The following VPS8 variants were observed in gnomAD, a reference collection of about 807,000 sequenced individuals.
VPS8 encodes the protein vacuolar protein sorting-associated protein 8 homolog.
In VPS8, 129 loss-of-function variants were observed where a neutral mutation model predicts 216.4. That is an observed-to-expected ratio of 0.60 (90% confidence interval 0.52 to 0.69). The LOEUF is 0.69. VPS8 is among the 30% of genes least tolerant of loss of function. The probability of loss-of-function intolerance (pLI) is 0.00; values close to 1 mark genes in which losing one functional copy is unlikely to be tolerated. For missense variants in VPS8, 1,531 were observed against 1,683.5 expected, an observed-to-expected ratio of 0.91 and a Z score of 1.59; for synonymous variants, 571 against 565.4, an observed-to-expected ratio of 1.01 and a Z score of -0.14.
chr3:184,840,852 A>G (rs945860987), intron 7 of VPS8, among the ~76,000 whole-genome samples: 1 of 152,182 alleles, frequency 6.6e-6, no homozygotes, highest in Non-Finnish European at 1.5e-5. Context: ...AGGAATCTAC[A>G]GACTTCTATA....
chr3:184,928,372 A>T, intron 31 of VPS8, 79 bp from the exon 32 acceptor site: 1 of 1,295,450 alleles, frequency 7.7e-7, no homozygotes, highest in Non-Finnish European at 1.0e-6. Flanking sequence ...ATTAAATGTT[A>T]TAGTCTGCAT....
Position 184,868,957 on chromosome 3 carries a change from T to A in VPS8, c.1518T>A (p.His506Gln). ...MLRSWRERVD[H>Q]LLKQDCLTEA... ...TTTTTCCGTTTTAGAGAGTGGATCA[T>A]CTCCTGAAACAAGATTGTCTTACAG... The change falls in exon 19 of 48, where the codon CAT becomes CAA. Residue 506 changes from histidine to glutamine, a missense_variant. Physicochemically the swap from His to Gln is conservative, Grantham distance 24. Transcript: ENST00000625842. The A allele has an allele frequency of 6.2e-7, 1 of 1,608,500 alleles. No homozygotes were observed. Among genetic ancestry groups the A allele is most frequent in the Non-Finnish European group, 8.5e-7 (1 of 1,177,550 alleles).
At chr3:184,961,139 A>G (rs541493621) in intron 37 of VPS8, among the ~76,000 whole-genome samples, 93 of 152,354 alleles carry the variant, frequency 6.1e-4, no homozygotes, top group Admixed American at 1.4e-3. Flanking sequence ...TTAATAGACT[A>G]AATAGCAGTT....
chr3:184,894,810 G>T lies in VPS8; in HGVS notation c.1889G>T (p.Gly630Val). 6.2e-7 allele frequency: 1 copy of T among 1,610,582 alleles called. No individual in the cohort carries two copies. The highest frequency in any genetic ancestry group is 1.1e-5 in the South Asian group (1 of 90,424). ...TATATTTTAAGTGATAAATTGGTGG[G>T]AATCACACCCCAAGTAATGAAAGAC... ...EPYILSDKLV[G>V]ITPQVMKDLI... is the part of the protein sequence containing the mutation. The change falls in exon 23 of 48, where the codon GGA becomes GTA. Residue 630 changes from glycine (G) to valine (V), a missense_variant. Gly to Val is a moderately radical substitution (Grantham distance 109). Transcript: ENST00000625842.
chr3:184,954,541 G>T (rs1367308504), intron 36 of VPS8, among the ~76,000 whole-genome samples: 1 of 152,138 alleles, frequency 6.6e-6, no homozygotes, highest in Admixed American at 6.5e-5. Flanking sequence ...GAAAGCTTAA[G>T]GATTTTAGGA....
chr3:185,006,228 G>T (rs1487528548), intron 45 of VPS8, among the ~76,000 whole-genome samples: 1 of 152,062 alleles, frequency 6.6e-6, no homozygotes, highest in Non-Finnish European at 1.5e-5. Context: ...AGATCTAGTG[G>T]GTTAGGTAAT....
At chr3:184,933,527 T>TTGTG (rs35601004) in intron 34 of VPS8, among the ~76,000 whole-genome samples, 2,088 of 150,154 alleles carry the variant, frequency 0.014, 29 homozygotes, top group African/African-American at 0.036. Flanking sequence ...CTTTCGATCT[T>TTGTG]TGTGTGTGTG....
chr3:184,818,931 C>T (rs956294083), intron 1 of VPS8, among the ~76,000 whole-genome samples: 10 of 151,870 alleles, frequency 6.6e-5, no homozygotes, highest in East Asian at 1.9e-4. Flanking sequence ...ACTTGGGAGA[C>T]GTGAAGTAGG....
intron 46 of VPS8, among the ~76,000 whole-genome samples, chr3:185,041,306 A>G (rs552160119): frequency 6.6e-6 from 1 of 152,214 alleles, no homozygotes; most frequent in Admixed American, 6.5e-5. Flanking sequence ...ACTGAGAGCT[A>G]ATGGCTGTGG....
chr3:184,894,020 C>T (rs1301628706), intron 22 of VPS8, among the ~76,000 whole-genome samples: 1 of 152,108 alleles, frequency 6.6e-6, no homozygotes, highest in African/African-American at 2.4e-5. Flanking sequence ...ATGAAATAAA[C>T]ATTGTCGAGG....
At chr3:184,828,485 T>C (rs2108525454) in intron 3 of VPS8, among the ~76,000 whole-genome samples, 1 of 152,244 alleles carries the variant, frequency 6.6e-6, no homozygotes, top group African/African-American at 2.4e-5. Context: ...ACATCCTAGA[T>C]CTCAGAATTT....
At chr3:184,829,373 G>A (rs767528063) in intron 3 of VPS8, among the ~76,000 whole-genome samples, 29 of 151,964 alleles carry the variant, frequency 1.9e-4, no homozygotes, top group Non-Finnish European at 3.1e-4. Flanking sequence ...ACCACCATAC[G>A]TGGCAAAGTT....
rs1166541772 is a variant in VPS8 at position 184,869,032 on chromosome 3, A to G, written c.1593A>G (p.Val531=). The part of the protein sequence containing the change: ...WSFHEGKAKA[V]VGLSGDASKR... ...TCCATGAAGGAAAAGCAAAAGCAGT[A>G]GTGGGTGAGTAGGCAGAATTCCAGT... Residue 531 remains valine, a synonymous_variant, in exon 19 of 48, where the codon GTA becomes GTG. Coordinates refer to ENST00000625842, the MANE Select transcript of VPS8 (RefSeq NM_001009921.3). 1 of 1,603,954 alleles carries G rather than the reference A, an allele frequency of 6.2e-7. No homozygotes were observed. The highest frequency in any genetic ancestry group is 2.2e-5 in the East Asian group (1 of 44,582).
At position 185,039,818 on chromosome 3, in the gene VPS8, C is replaced by T. The variant is rs145792578; in HGVS notation, c.4057-8661C>T. ...GAAATTGGGCTGGCTGTGACATCAGCGAGCTCATTCTGCACAAACTCCAGT... is the reference window on the plus strand; with the variant it reads ...GAAATTGGGCTGGCTGTGACATCAGTGAGCTCATTCTGCACAAACTCCAGT... On this transcript the variant is annotated intron_variant, in intron 46 of 47. Transcript: ENST00000625842. Among the ~76,000 whole-genome samples the T allele has an allele frequency of 5.3e-5, 8 of 152,188 alleles. No homozygotes were observed. In the East Asian group the frequency reaches 1.2e-3, roughly 22 times the overall value.
chr3:184,859,929 T>TA (rs1725957212), intron 14 of VPS8, 56 bp from the exon 15 acceptor site: 1 of 1,369,498 alleles, frequency 7.3e-7, no homozygotes, highest in South Asian at 1.2e-5. Context: ...ATTAAATATC[T>TA]AAAAAAGTCC....
intron 45 of VPS8, among the ~76,000 whole-genome samples, chr3:185,005,819 A>C (rs1332336202): frequency 6.6e-6 from 1 of 152,024 alleles, no homozygotes; most frequent in Non-Finnish European, 1.5e-5. Context: ...AGGGTTTTTA[A>C]GGTACACAAT....
chr3:184,886,058 G>A, intron 21 of VPS8, 52 bp from the exon 22 acceptor site: 3 of 1,566,772 alleles, frequency 1.9e-6, no homozygotes, highest in East Asian at 2.3e-5. Context: ...ATTATCAGTG[G>A]ACCACTGGAC....
In VPS8 at chr3:184,856,042, CAAAT is replaced by C. The variant is rs577889366; in HGVS notation, c.1143+227_1143+230del. 7.2e-5 allele frequency among the ~76,000 whole-genome samples: 11 copies of C among 152,220 alleles called. No homozygotes were observed. The South Asian group carries it at 2.1e-3, about 29-fold the overall frequency. ...TTCTCAGCTTCATTTCTTTGACTGA[CAAAT>C]AATTAATGGTATATGTAAATGTATA... On this transcript the variant is annotated intron_variant, in intron 14 of 47. Transcript: ENST00000625842.
chr3:184,876,698 C>G (rs1219681267), intron 21 of VPS8, among the ~76,000 whole-genome samples: 1 of 152,128 alleles, frequency 6.6e-6, no homozygotes, highest in African/African-American at 2.4e-5. Context: ...TGATTCTTGT[C>G]TTTTACTTGT....
Sources: gnomAD v4.1 joint callset for allele counts (sites outside exome capture counted in the v4.1 genomes callset) on GRCh38, gnomAD v4.1.1 for gene constraint, MANE v1.5 for transcripts, NCBI Gene and HGNC (gene_info 2026-07-23, HGNC 2026-07-21) for gene names.